Variants in PLPP5 observed in about 807,000 individuals in gnomAD.
PLPP5 encodes phospholipid phosphatase 5, also known as diacylglycerol pyrophosphate like 1.
A neutral mutation model predicts 23.6 loss-of-function variants in PLPP5; 29 were observed. The ratio of observed to expected loss-of-function variants is 1.23; its 90% CI spans 0.92 to 1.68. The LOEUF is 1.68. Among genes scored for constraint, PLPP5 ranks in the 40% most tolerant of loss-of-function variants. The pLI, the probability that PLPP5 is intolerant of heterozygous loss-of-function variation, is 0.00. For synonymous variants in PLPP5, 143 were observed against 131.3 expected (o/e 1.09, Z -0.61); for missense variants, 315 against 332.1 (o/e 0.95, Z 0.40).
chr8:38,264,967 G>A, intron 6 of PLPP5: 2 of 1,572,410 alleles, frequency 1.3e-6, no homozygotes, highest in East Asian at 4.5e-5. Flanking sequence ...AAGGAATAAA[G>A]TATTTTAAGA....
intron 4 of PLPP5, 107 bp downstream of exon 4, chr8:38,267,790 T>G: frequency 8.7e-7 from 1 of 1,152,808 alleles, no homozygotes; most frequent in Non-Finnish European, 1.3e-6. Context: ...AGAGTGAAGA[T>G]AAAGGAGAAA....
At chr8:38,268,120 C>A in intron 3 of PLPP5, 160 bp from the exon 4 acceptor site, 1 of 1,449,016 alleles carries the variant, frequency 6.9e-7, no homozygotes. Context: ...CTTTTGTAGC[C>A]GAGAACTTTT....
In PLPP5 at chr8:38,266,175, C is replaced by T. The variant is rs1299914838; in HGVS notation, c.600G>A (p.Leu200=). The part of the protein sequence containing the change: ...SPLLFAAVIA[L]SRTCDYKHHW... ...GATGCTTGTAGTCACATGTGCGGGA[C>T]AGTGCAATCACAGCTGCAAAAAGTA... is the stretch of plus-strand genomic sequence containing the variant. Residue 200 remains leucine, a synonymous_variant, in exon 6 of 7, where the codon CTG becomes CTA. Coordinates refer to ENST00000424479, the MANE Select transcript of PLPP5 (RefSeq NM_001102559.2). The T allele has an allele frequency of 1.2e-6, 2 of 1,613,968 alleles. No individual in the cohort carries two copies. The highest frequency in any genetic ancestry group is 1.3e-5 in the African/African-American group (1 of 74,914).
intron 5 of PLPP5, 169 bp downstream of exon 5, chr8:38,267,098 C>G (rs1296406133): frequency 2.1e-6 from 3 of 1,462,510 alleles, no homozygotes; most frequent in Non-Finnish European, 2.7e-6. Context: ...TAATATTTAC[C>G]CAAATAGTCA....
In PLPP5 at chr8:38,263,633, C is replaced by T. The variant is rs1807208237; in HGVS notation, c.*811G>A. 1.0e-6 allele frequency: 1 copy of T among 985,264 alleles called. No homozygotes were observed. The highest frequency in any genetic ancestry group is 1.2e-6 in the Non-Finnish European group (1 of 829,934). The allele number at this position is 985,264 out of a possible 1,614,324, so 61.0% of individuals were successfully genotyped here. ...AGATGCACACAAAAGTGATAAATTA[C>T]CCTAGATTCGACATTTTCCTATTTA... On this transcript the variant is annotated 3_prime_UTR_variant, in exon 7 of 7. Transcript: ENST00000424479.
intron 2 of PLPP5, 180 bp from the exon 3 acceptor site, chr8:38,268,641 C>G (rs1035190062): frequency 2.8e-6 from 4 of 1,436,582 alleles, no homozygotes; most frequent in African/African-American, 2.9e-5. Context: ...GCTCGGGCCC[C>G]GGTACCTCAG....
Position 38,264,428 on chromosome 8 carries a change from C to T in PLPP5, c.*16G>A, listed in dbSNP as rs374771606. 29 of 1,534,366 alleles carry T rather than the reference C, an allele frequency of 1.9e-5. No individual in the cohort carries two copies. Among genetic ancestry groups the T allele is most frequent in the East Asian group, 7.4e-5 (3 of 40,804 alleles). On this transcript the variant is annotated 3_prime_UTR_variant, in exon 7 of 7. Transcript: ENST00000424479. Reference sequence around the variant, plus strand: ...GATTACAGGCATGAGCCACCACGCCCGGCCAGATTCAATTTTTAAATATCA... The same window carrying T: ...GATTACAGGCATGAGCCACCACGCCTGGCCAGATTCAATTTTTAAATATCA...
In PLPP5 at chr8:38,263,758, T is replaced by G. The variant is rs1807217200; in HGVS notation, c.*686A>C. On this transcript the variant is annotated 3_prime_UTR_variant, in exon 7 of 7. Coordinates refer to ENST00000424479, the MANE Select transcript of PLPP5 (RefSeq NM_001102559.2). ...GATTTTGAGCTATATGAAATGGAAA[T>G]TAAGTTTTGATAATGAACTCTAGCT... 1 of 985,382 alleles carries G rather than the reference T, an allele frequency of 1.0e-6. No individual in the cohort carries two copies. The highest frequency in any genetic ancestry group is 1.7e-5 in the African/African-American group (1 of 57,354). The allele number at this position is 985,382 out of a possible 1,614,324, so 61.0% of individuals were successfully genotyped here. A position where few individuals can be genotyped will look rare whatever the true frequency, so the allele number is the denominator to read the frequency against.
At chr8:38,268,509 C>CA in intron 2 of PLPP5, 48 bp from the exon 3 acceptor site, 5 of 1,545,194 alleles carry the variant, frequency 3.2e-6, no homozygotes, top group Non-Finnish European at 4.4e-6. Context: ...AAAAGCCACA[C>CA]TCGTGCTCCT....
At position 38,269,168 on chromosome 8, in the gene PLPP5, C is replaced by G. The variant is rs1246312982; in HGVS notation, c.32G>C (p.Gly11Ala). Residue 11 changes from glycine (G) to alanine (A), a missense_variant, in exon 1 of 7, where the codon GGG becomes GCG. Gly to Ala is a moderately conservative substitution (Grantham distance 60). Transcript: ENST00000424479. MGKAAAAVAF[G>A]AEVGVRLALF... ...CGCGAGCCGCACGCCCACTTCGGCC[C>G]CAAAGGCCACCGCCGCCGCCGCCTT... 1.3e-6 allele frequency: 2 copies of G among 1,509,330 alleles called. No individual in the cohort carries two copies. Among genetic ancestry groups the G allele is most frequent in the South Asian group, 1.2e-5 (1 of 81,768 alleles). The allele number at this position is 1,509,330 out of a possible 1,614,324, so 93.5% of individuals were successfully genotyped here.
In PLPP5 at chr8:38,264,079, C is replaced by G; in HGVS notation, c.*365G>C. The G allele has an allele frequency of 2.0e-6, 2 of 990,660 alleles. No individual in the cohort carries two copies. Among genetic ancestry groups the G allele is most frequent in the Non-Finnish European group, 2.4e-6 (2 of 833,528 alleles). The allele number at this position is 990,660 out of a possible 1,614,324, so 61.4% of individuals were successfully genotyped here. A position where few individuals can be genotyped will look rare whatever the true frequency, so the allele number is the denominator to read the frequency against. ...TGCACCTTGGAAGGGGAAAAAAAGGCTAGAATTTCTTGTCTTGTGCATGGT... is the reference window on the plus strand; with the variant it reads ...TGCACCTTGGAAGGGGAAAAAAAGGGTAGAATTTCTTGTCTTGTGCATGGT... On this transcript the variant is annotated 3_prime_UTR_variant, in exon 7 of 7. Coordinates refer to ENST00000424479, the MANE Select transcript of PLPP5 (RefSeq NM_001102559.2).
Position 38,268,906 on chromosome 8 carries a change from C to T in PLPP5, c.159G>A (p.Glu53=), listed in dbSNP as rs1264965179. 1.5e-5 allele frequency: 24 copies of T among 1,557,024 alleles called. No individual in the cohort carries two copies. Among genetic ancestry groups the T allele is most frequent in the Non-Finnish European group, 1.7e-5 (20 of 1,156,150 alleles). ...CAAACATCGGCTTGGTGGGGAAATA[C>T]TCCGCCTCCACGTAGGGGTTCCGGT... ...WLYRNPYVEA[E]YFPTKPMFVI... The change falls in exon 2 of 7, where the codon GAG becomes GAA. Residue 53 remains glutamate, a synonymous_variant. Coordinates refer to ENST00000424479, the MANE Select transcript of PLPP5 (RefSeq NM_001102559.2).
intron 2 of PLPP5, 105 bp from the exon 3 acceptor site, chr8:38,268,566 A>G: frequency 6.7e-7 from 1 of 1,497,794 alleles, no homozygotes; most frequent in Non-Finnish European, 8.9e-7. Context: ...GAGCTAACAT[A>G]AGGTCTCTGA....
rs1372209743 is a variant in PLPP5 at position 38,267,355 on chromosome 8, A to C, written c.375T>G (p.Asp125Glu). 6.2e-7 allele frequency: 1 copy of C among 1,613,924 alleles called. No individual in the cohort carries two copies. The highest frequency in any genetic ancestry group is 2.2e-5 in the East Asian group (1 of 44,888). The change falls in exon 5 of 7, where the codon GAT becomes GAG. Residue 125 changes from aspartate to glutamate, a missense_variant. Physicochemically the swap from Asp to Glu is conservative, Grantham distance 45 (BLOSUM62 2). Coordinates refer to ENST00000424479, the MANE Select transcript of PLPP5 (RefSeq NM_001102559.2). ...RPDFFYRCFPDGLAHSDLMCT... is the reference protein window; with the variant it reads ...RPDFFYRCFPEGLAHSDLMCT... Reference sequence around the variant, plus strand: ...ACATCAAGTCAGAATGGGCTAGCCCATCAGGGAAGCAGCGGTAGAAGAAAT... The same window carrying C: ...ACATCAAGTCAGAATGGGCTAGCCCCTCAGGGAAGCAGCGGTAGAAGAAAT...
At chr8:38,267,783 G>C in intron 4 of PLPP5, 114 bp downstream of exon 4, 1 of 1,100,550 alleles carries the variant, frequency 9.1e-7, no homozygotes, top group Admixed American at 2.1e-5. Flanking sequence ...AAAAATCAGA[G>C]TGAAGATAAA....
chr8:38,266,120 T>C (rs762890090), intron 6 of PLPP5, 21 bp downstream of exon 6: 34 of 1,611,170 alleles, frequency 2.1e-5, no homozygotes, highest in Non-Finnish European at 2.7e-5. Flanking sequence ...CAAGCTTCCA[T>C]AGCCTGAGTA....
chr8:38,268,261 T>G (rs1397497824), intron 3 of PLPP5, 110 bp downstream of exon 3: 4 of 1,125,734 alleles, frequency 3.6e-6, no homozygotes, highest in Admixed American at 5.0e-5. Flanking sequence ...AGAGTTCCTT[T>G]AGGAATGCAG....
rs1807239202 is a variant in PLPP5 at position 38,264,060 on chromosome 8, T to G, written c.*384A>C. ...TGTGGCTTATGTCCTCACTTGCACC[T>G]TGGAAGGGGAAAAAAAGGCTAGAAT... On this transcript the variant is annotated 3_prime_UTR_variant, in exon 7 of 7. Transcript: ENST00000424479. 2 of 989,796 alleles carry G rather than the reference T, an allele frequency of 2.0e-6. No homozygotes were observed. Among genetic ancestry groups the G allele is most frequent in the African/African-American group, 3.5e-5 (2 of 57,312 alleles). The allele number at this position is 989,796 out of a possible 1,614,324, so 61.3% of individuals were successfully genotyped here.
intron 6 of PLPP5, chr8:38,264,997 G>T: frequency 7.7e-7 from 1 of 1,307,136 alleles, no homozygotes; most frequent in South Asian, 1.2e-5. Flanking sequence ...CGCCGGGCAC[G>T]GTGACTCACG....
Sources: gnomAD v4.1 joint callset for allele counts on GRCh38, gnomAD v4.1.1 for gene constraint, MANE v1.5 for transcripts, NCBI Gene and HGNC (gene_info 2026-07-23, HGNC 2026-07-21) for gene names.